WNK1: variants seen among roughly 807,000 people sequenced by gnomAD.
The protein encoded by WNK1 is serine/threonine-protein kinase WNK1.
A neutral mutation model predicts 222.8 loss-of-function variants in WNK1; 38 were observed. The observed-to-expected ratio is 0.17, with a 90% confidence interval of 0.13 to 0.22. WNK1 has a LOEUF of 0.22. Ranked by LOEUF, WNK1 falls within the 10% of genes least tolerant of loss-of-function variation. The pLI is 1.00. For missense variants in WNK1, 2,348 were observed against 2,918.4 expected (o/e 0.80, Z 4.50); for synonymous variants, 1,090 against 1,092.9 (o/e 1.00, Z 0.05).
chr12:817,081 A>ACTGTTTAACAG (rs1481659584), intron 2 of WNK1, among the ~76,000 whole-genome samples: 1 of 152,246 alleles, frequency 6.6e-6, no homozygotes, highest in East Asian at 1.9e-4. Flanking sequence ...AGCAGACTGA[A>ACTGTTTAACAG]TTGAATTGAC....
At chr12:859,499 G>A (rs202098037) in intron 6 of WNK1, 35 bp downstream of exon 6, 59 of 1,509,094 alleles carry the variant, frequency 3.9e-5, no homozygotes, top group Non-Finnish European at 5.0e-5. Flanking sequence ...AATTGATTTA[G>A]ACTTATATAT....
chr12:868,861 A>C, intron 8 of WNK1: 2 of 1,613,370 alleles, frequency 1.2e-6, no homozygotes, highest in Admixed American at 3.3e-5. Flanking sequence ...GGCCAATAGG[A>C]AGCCCAGAAT....
chr12:857,048 G>T, intron 4 of WNK1, 113 bp from the exon 5 acceptor site: 1 of 1,138,306 alleles, frequency 8.8e-7, no homozygotes. Flanking sequence ...AGGCGAGTCA[G>T]AAAAAAAGCC....
At chr12:881,597 T>C (rs1953166206) in intron 12 of WNK1, 95 bp from the exon 13 acceptor site, 1 of 953,548 alleles carries the variant, frequency 1.0e-6, no homozygotes, top group Non-Finnish European at 1.7e-6. Context: ...TAGGACGTAG[T>C]GGGGAGGGAT....
At chr12:860,234 A>G (rs1951104319) in intron 6 of WNK1, among the ~76,000 whole-genome samples, 1 of 152,234 alleles carries the variant, frequency 6.6e-6, no homozygotes, top group South Asian at 2.1e-4. Context: ...GATGAACTCT[A>G]TAAACAGACA....
chr12:905,983 C>T (rs1443963674), intron 26 of WNK1, among the ~76,000 whole-genome samples: 1 of 152,166 alleles, frequency 6.6e-6, no homozygotes, highest in African/African-American at 2.4e-5. Flanking sequence ...CAGCACAGAC[C>T]TGCTTGTGTG....
At chr12:801,845 A>G (rs569179198) in intron 1 of WNK1, among the ~76,000 whole-genome samples, 1 of 152,332 alleles carries the variant, frequency 6.6e-6, no homozygotes, top group South Asian at 2.1e-4. Flanking sequence ...GGCAGATTGA[A>G]TCAGAGAAAT....
At chr12:758,799 GCAAATTTTTTTCT>G in intron 1 of WNK1, among the ~76,000 whole-genome samples, 1 of 146,808 alleles carries the variant, frequency 6.8e-6, no homozygotes, top group Admixed American at 6.8e-5. Flanking sequence ...AGGAGTATTG[GCAAATTTTTTTCT>G]CTTACCTTTT....
Position 880,917 on chromosome 12 carries a change from T to G in WNK1, c.3029T>G (p.Val1010Gly). 2 of 1,614,130 alleles carry G rather than the reference T, an allele frequency of 1.2e-6. No homozygotes were observed. Among genetic ancestry groups the G allele is most frequent in the African/African-American group, 1.3e-5 (1 of 75,016 alleles). The change falls in exon 12 of 28, where the codon GTA (valine) becomes GGA (glycine). Residue 1010 changes from valine (V) to glycine (G), a missense_variant. By Grantham distance (109) the Val-to-Gly change is moderately radical. Transcript: ENST00000315939. ...AATCTTTTAGTTCCTATGGGTGGTG[T>G]AGGAGGACAGGTTCAAGTGTCCCAG... Reference protein sequence around the residue: ...ESNLLVPMGGVGGQVQVSQPG... With the variant: ...ESNLLVPMGGGGGQVQVSQPG...
chr12:779,998 A>C (rs1431794880), intron 1 of WNK1, among the ~76,000 whole-genome samples: 1 of 152,212 alleles, frequency 6.6e-6, no homozygotes, highest in African/African-American at 2.4e-5. Flanking sequence ...AATCATTAAC[A>C]GAGTTGCTTA....
chr12:877,433 G>T (rs1374736897), intron 9 of WNK1, among the ~76,000 whole-genome samples: 1 of 152,058 alleles, frequency 6.6e-6, no homozygotes, highest in Admixed American at 6.6e-5. Flanking sequence ...GTTTGGTTTT[G>T]TTTGCTTGAT....
At position 904,660 on chromosome 12, in the gene WNK1, C is replaced by T. The variant is rs147108900; in HGVS notation, c.6644-3187C>T. ...CTTAATTGAGAAATCATCTCCTAGT[C>T]GGTGCCCTCAGTGATAACCCCATGT... On this transcript the variant is annotated intron_variant, in intron 26 of 27. Transcript: ENST00000315939. Among the ~76,000 whole-genome samples the T allele has an allele frequency of 9.5e-4, 144 of 152,248 alleles. 1 individual carries two copies. Among genetic ancestry groups the T allele is most frequent in the Middle Eastern group, 6.8e-3 (2 of 294 alleles).
At chr12:796,296 T>C (rs1367334192) in intron 1 of WNK1, among the ~76,000 whole-genome samples, 1 of 152,248 alleles carries the variant, frequency 6.6e-6, no homozygotes, top group Non-Finnish European at 1.5e-5. Flanking sequence ...TGTAACAGTA[T>C]ATTCTTAATT....
chr12:890,679 GTTA>G (rs1954139696), intron 22 of WNK1, among the ~76,000 whole-genome samples, 166 bp downstream of exon 22: 1 of 152,122 alleles, frequency 6.6e-6, no homozygotes, highest in African/African-American at 2.4e-5. Flanking sequence ...AATCTGTTCC[GTTA>G]TTATTTGTCA....
intron 26 of WNK1, 29 bp from the exon 27 acceptor site, chr12:907,818 T>A: frequency 6.2e-7 from 1 of 1,612,466 alleles, no homozygotes; most frequent in Non-Finnish European, 8.5e-7. Flanking sequence ...AGGCTTCTTT[T>A]AATGCTCGTA....
At position 896,214 on chromosome 12, in the gene WNK1, G is replaced by T. The variant is rs763247767; in HGVS notation, c.5727G>T (p.Pro1909=). The change falls in exon 24 of 28, where the codon CCG becomes CCT. Residue 1909 remains proline (P), a synonymous_variant. Transcript: ENST00000315939. ...SPESTLVKPE[P]NGITIPGISS... is the part of the protein sequence containing the mutation. ...AGAGTACCTTGGTGAAACCAGAGCC[G>T]AATGGCATAACCATCCCTGGTATCT... 6.8e-6 allele frequency: 11 copies of T among 1,614,076 alleles called. No homozygotes were observed. Among genetic ancestry groups the T allele is most frequent in the Non-Finnish European group, 9.3e-6 (11 of 1,180,046 alleles).
At chr12:810,846 G>A (rs1218056078) in intron 1 of WNK1, among the ~76,000 whole-genome samples, 1 of 152,178 alleles carries the variant, frequency 6.6e-6, no homozygotes, top group African/African-American at 2.4e-5. Flanking sequence ...GTACTGAGAT[G>A]AGCAATTGTT....
intron 8 of WNK1, among the ~76,000 whole-genome samples, chr12:867,469 CG>C (rs1951771129): frequency 6.6e-6 from 1 of 152,164 alleles, no homozygotes; most frequent in African/African-American, 2.4e-5. Context: ...TAGAACTAGT[CG>C]GGCTTTTATG....
intron 10 of WNK1, 103 bp from the exon 11 acceptor site, chr12:879,470 C>CTTTT: frequency 7.6e-6 from 5 of 658,308 alleles, no homozygotes; most frequent in South Asian, 7.3e-5. Context: ...TTGTTTTTTC[C>CTTTT]TTCTTTTTGG....
Sources: allele counts gnomAD v4.1 joint callset (sites outside exome capture counted in the v4.1 genomes callset), GRCh38; gene constraint gnomAD v4.1.1; transcripts MANE v1.5; gene names NCBI Gene and HGNC (gene_info 2026-07-23, HGNC 2026-07-21).